Variants in P2RY8 observed in about 807,000 individuals in gnomAD.
P2RY8 encodes the protein P2Y receptor family member 8, also known as S-geranylgeranyl-glutathione receptor P2RY8.
P2RY8 carries 6 observed loss-of-function variants against 10.0 expected under a neutral mutation model. The observed-to-expected ratio is 0.60, with a 90% CI of 0.33 to 1.19. The LOEUF (loss-of-function observed/expected upper bound fraction) is 1.19. Among genes scored for constraint, P2RY8 ranks in the 50% most tolerant of loss-of-function variants. P2RY8 has a pLI of 0.04. For synonymous variants in P2RY8, 276 were observed against 252.5 expected (o/e 1.09, Z -0.88); for missense variants, 456 against 542.0 (o/e 0.84, Z 1.58).
chrX:1,502,659 T>C (rs1263990792), intron 1 of P2RY8, among the ~76,000 whole-genome samples: 1 of 152,142 alleles, frequency 6.6e-6, no homozygotes, highest in Admixed American at 6.5e-5. Flanking sequence ...GGGGGTTTCA[T>C]TTGGAAAAGA....
At position 1,465,912 on chromosome X, in the gene P2RY8, G is replaced by A; in HGVS notation, c.647C>T (p.Thr216Ile). 6.2e-7 allele frequency: 1 copy of A among 1,612,498 alleles called. No homozygotes were observed. Among genetic ancestry groups the A allele is most frequent in the Non-Finnish European group, 8.5e-7 (1 of 1,179,760 alleles). Reference protein sequence around the residue: ...FVITVACYTATILKLLRTEEA... With the variant: ...FVITVACYTAIILKLLRTEEA... ...CTCCGTGCGCAACAGCTTGAGGATG[G>A]TGGCCGTGTAACAAGCCACGGTGAT... is the stretch of plus-strand genomic sequence containing the variant. The change falls in exon 2 of 2, where the codon ACC becomes ATC. Residue 216 changes from threonine (T) to isoleucine (I), a missense_variant. Transcript: ENST00000381297.
At chrX:1,489,514 G>A (rs1325706721) in intron 1 of P2RY8, among the ~76,000 whole-genome samples, 1 of 152,178 alleles carries the variant, frequency 6.6e-6, no homozygotes, top group Admixed American at 6.6e-5. Context: ...CCTCACAAAT[G>A]TGGAGGGAAT....
chrX:1,482,809 T>C (rs1237843652), intron 1 of P2RY8, among the ~76,000 whole-genome samples: 4 of 151,844 alleles, frequency 2.6e-5, no homozygotes, highest in African/African-American at 7.3e-5. Flanking sequence ...TGGATGAAGC[T>C]CGAAACCATC....
At position 1,465,428 on chromosome X, in the gene P2RY8, C is replaced by G. The variant is rs369726338; in HGVS notation, c.*51G>C. On this transcript the variant is annotated 3_prime_UTR_variant, in exon 2 of 2. Transcript: ENST00000381297. ...CTGGCACCGTGGCCTCTCCATGCGC[C>G]CCTGGATCTCCAAGCTGCGCCCCCG... is the stretch of plus-strand genomic sequence containing the variant. The G allele has an allele frequency of 6.4e-7, 1 of 1,550,586 alleles. No homozygotes were observed. The highest frequency in any genetic ancestry group is 1.9e-5 in the Admixed American group (1 of 52,600).
intron 1 of P2RY8, chrX:1,493,978 T>A (rs1484349312): frequency 6.6e-6 from 1 of 152,284 alleles, no homozygotes; most frequent in Non-Finnish European, 1.5e-5. Flanking sequence ...GAGGCTGAGC[T>A]GAGGGCTTTC....
chrX:1,500,343 T>A (rs1438089000), intron 1 of P2RY8, among the ~76,000 whole-genome samples: 1 of 152,040 alleles, frequency 6.6e-6, no homozygotes, highest in African/African-American at 2.4e-5. Flanking sequence ...ATTGGCACAA[T>A]CATGGCTCAC....
At chrX:1,476,295 G>A (rs747968808) in intron 1 of P2RY8, among the ~76,000 whole-genome samples, 7 of 152,128 alleles carry the variant, frequency 4.6e-5, no homozygotes, top group East Asian at 3.9e-4. Context: ...ATAATGGGTC[G>A]GCTGGGCACG....
intron 1 of P2RY8, among the ~76,000 whole-genome samples, chrX:1,510,523 C>A (rs1286574984): frequency 1.3e-5 from 2 of 152,156 alleles, no homozygotes; most frequent in African/African-American, 4.8e-5. Flanking sequence ...GAGACTCTGA[C>A]AATGGGCTGG....
intron 1 of P2RY8, among the ~76,000 whole-genome samples, chrX:1,496,883 T>C (rs1238819105): frequency 2.1e-5 from 2 of 97,534 alleles, no homozygotes; most frequent in African/African-American, 9.4e-5. Flanking sequence ...ATTAGTATTT[T>C]AGAAACTCAG....
chrX:1,478,244 G>GGC (rs2091897205), intron 1 of P2RY8, among the ~76,000 whole-genome samples: 2 of 58,452 alleles, frequency 3.4e-5, no homozygotes, highest in African/African-American at 2.0e-4. Context: ...GGTGCTGGCA[G>GGC]GCGTATGTGT....
chrX:1,479,486 A>C (rs2149383467), intron 1 of P2RY8, among the ~76,000 whole-genome samples: 1 of 152,382 alleles, frequency 6.6e-6, no homozygotes, highest in East Asian at 1.9e-4. Flanking sequence ...GAATGCATGT[A>C]TTAGAAAGGA....
rs2091608142 is a variant in P2RY8 at position 1,463,065 on chromosome X, A to G, written c.*2414T>C. ...GGTTCTCGCACGTTGTCGAGGAAGGATATTGTCTCGGCTTCCTCTGACTCA... is the reference window on the plus strand; with the variant it reads ...GGTTCTCGCACGTTGTCGAGGAAGGGTATTGTCTCGGCTTCCTCTGACTCA... On this transcript the variant is annotated 3_prime_UTR_variant, in exon 2 of 2. Coordinates refer to ENST00000381297, the MANE Select transcript of P2RY8 (RefSeq NM_178129.5). 8.6e-6 allele frequency: 2 copies of G among 232,824 alleles called. No homozygotes were observed. Among genetic ancestry groups the G allele is most frequent in the Non-Finnish European group, 1.7e-5 (2 of 117,978 alleles). The allele number at this position is 232,824 out of a possible 1,614,324, so 14.4% of individuals were successfully genotyped here. A position where few individuals can be genotyped will look rare whatever the true frequency, so the allele number is the denominator to read the frequency against.
chrX:1,476,226 G>A (rs1161281807), intron 1 of P2RY8, among the ~76,000 whole-genome samples: 1 of 152,076 alleles, frequency 6.6e-6, no homozygotes, highest in Non-Finnish European at 1.5e-5. Flanking sequence ...TGGTCTCAGG[G>A]TCACTGTTAG....
At chrX:1,486,863 A>G (rs1384805330) in intron 1 of P2RY8, among the ~76,000 whole-genome samples, 1 of 152,206 alleles carries the variant, frequency 6.6e-6, no homozygotes, top group Non-Finnish European at 1.5e-5. Context: ...ATGCTCCTGC[A>G]GTCTCAGTGC....
chrX:1,518,433 A>AT (rs1367805979), intron 1 of P2RY8, among the ~76,000 whole-genome samples: 3 of 147,684 alleles, frequency 2.0e-5, no homozygotes, highest in African/African-American at 7.4e-5. Context: ...CTCAAAAAAA[A>AT]AAAAATAATA....
rs1170668969 is a variant in P2RY8 at position 1,465,783 on chromosome X, G to A, written c.776C>T (p.Ala259Val). The change falls in exon 2 of 2, where the codon GCG (alanine) becomes GTG (valine). Residue 259 changes from alanine (A) to valine (V), a missense_variant. Transcript: ENST00000381297. Reference sequence around the variant, plus strand: ...GTAGAACAGGCGGCTCACGATGTGCGCCAGGAGCACGAAGTTGTTGGGGGC... The same window carrying A: ...GTAGAACAGGCGGCTCACGATGTGCACCAGGAGCACGAAGTTGTTGGGGGC... ...CFAPNNFVLL[A>V]HIVSRLFYGK... 6.8e-6 allele frequency: 11 copies of A among 1,613,392 alleles called. No individual in the cohort carries two copies. The highest frequency in any genetic ancestry group is 3.3e-5 in the Admixed American group (2 of 60,002).
chrX:1,529,790 G>A (rs1438605666), intron 1 of P2RY8, among the ~76,000 whole-genome samples: 1 of 151,366 alleles, frequency 6.6e-6, no homozygotes, highest in Non-Finnish European at 1.5e-5. Context: ...TACCTTTCTA[G>A]CATTTATCTC....
At chrX:1,503,931 G>C (rs1438197401) in intron 1 of P2RY8, among the ~76,000 whole-genome samples, 3 of 151,800 alleles carry the variant, frequency 2.0e-5, no homozygotes, top group Admixed American at 2.0e-4. Flanking sequence ...CTGCTTTGTC[G>C]CTGTTCTGGA....
At chrX:1,506,606 T>A (rs1310574441) in intron 1 of P2RY8, among the ~76,000 whole-genome samples, 1 of 151,982 alleles carries the variant, frequency 6.6e-6, no homozygotes, top group African/African-American at 2.4e-5. Flanking sequence ...CTTGACGACA[T>A]CACCATGAGC....
Sources: allele counts gnomAD v4.1 joint callset (sites outside exome capture counted in the v4.1 genomes callset), GRCh38; gene constraint gnomAD v4.1.1; transcripts MANE v1.5; gene names NCBI Gene and HGNC (gene_info 2026-07-23, HGNC 2026-07-21).